Variants in GTF2B observed in about 807,000 individuals in gnomAD.
GTF2B encodes the protein general transcription factor IIB.
Under a neutral mutation model 34.6 loss-of-function variants are expected in GTF2B, and 20 were observed. The observed-to-expected ratio is 0.58, with a 90% CI of 0.41 to 0.84. The LOEUF (loss-of-function observed/expected upper bound fraction) is 0.84. Among genes scored for constraint, GTF2B ranks in the 40% least tolerant of loss-of-function variants. The pLI, the probability that GTF2B is intolerant of heterozygous loss-of-function variation, is 0.00. For synonymous variants in GTF2B, 142 were observed against 132.4 expected (o/e 1.07, Z -0.50); for missense variants, 237 against 393.3 (o/e 0.60, Z 3.36).
Position 88,865,786 on chromosome 1 carries a change from G to A in GTF2B, c.125-1672C>T, listed in dbSNP as rs191797680. Among the ~76,000 whole-genome samples, 378 of 152,106 alleles carry A rather than the reference G, an allele frequency of 2.5e-3. 2 individuals are homozygous for A. The highest frequency in any genetic ancestry group is 8.9e-3 in the African/African-American group (371 of 41,486). ...GAACTGCTTGAACCTGGGAGGTGGAGGCTGTGGTGAACTGAGATCGCAACA... is the reference window on the plus strand; with the variant it reads ...GAACTGCTTGAACCTGGGAGGTGGAAGCTGTGGTGAACTGAGATCGCAACA... On this transcript the variant is annotated intron_variant, in intron 2 of 6. Transcript: ENST00000370500.
chr1:88,865,916 TC>T (rs1673548247), intron 2 of GTF2B, among the ~76,000 whole-genome samples: 1 of 151,564 alleles, frequency 6.6e-6, no homozygotes, highest in Non-Finnish European at 1.5e-5. Flanking sequence ...TTCCAAGTGC[TC>T]CGCTAAGTAT....
rs537157874 is a variant in GTF2B, at chr1:88,854,003, G to A, written c.818-657C>T. 1.1e-4 allele frequency among the ~76,000 whole-genome samples: 17 copies of A among 152,214 alleles called. No individual in the cohort carries two copies. The East Asian group carries it at 3.1e-3, about 28-fold the overall frequency. On this transcript the variant is annotated intron_variant, in intron 6 of 6. Coordinates refer to ENST00000370500, the MANE Select transcript of GTF2B (RefSeq NM_001514.6). ...ACATAAAATATATGAATAGTGTTCA[G>A]GTCTTAGTATTAGGAGTGTTATCAT...
Position 88,857,193 on chromosome 1 carries a change from T to G in GTF2B, c.817+13A>C. ...TTCAGTTTACTGCCACACTTCCTGA[T>G]GACGAACCCTACCTTTTTGGGTCCT... On this transcript the variant is annotated intron_variant, in intron 6 of 6. Transcript: ENST00000370500. 2 of 1,595,844 alleles carry G rather than the reference T, an allele frequency of 1.3e-6. No individual in the cohort carries two copies. The highest frequency in any genetic ancestry group is 1.7e-6 in the Non-Finnish European group (2 of 1,171,856).
chr1:88,877,675 T>TA, intron 2 of GTF2B, among the ~76,000 whole-genome samples: 1 of 152,248 alleles, frequency 6.6e-6, no homozygotes, highest in African/African-American at 2.4e-5. Flanking sequence ...CTCATGCCTG[T>TA]AATCCCAGCA....
Position 88,881,622 on chromosome 1 carries a change from T to C in GTF2B, c.124+5639A>G, listed in dbSNP as rs543872213. On this transcript the variant is annotated intron_variant, in intron 2 of 6. Transcript: ENST00000370500. ...GAATGGATTCTTCGCTTACAAGATATATTACACATTTAACCACAAATATCT... is the reference window on the plus strand; with the variant it reads ...GAATGGATTCTTCGCTTACAAGATACATTACACATTTAACCACAAATATCT... Among the ~76,000 whole-genome samples, 3 of 152,304 alleles carry C rather than the reference T, an allele frequency of 2.0e-5. No individual in the cohort carries two copies. The South Asian group carries it at 6.2e-4, about 32-fold the overall frequency.
At chr1:88,878,824 A>G (rs1041981981) in intron 2 of GTF2B, among the ~76,000 whole-genome samples, 1 of 152,244 alleles carries the variant, frequency 6.6e-6, no homozygotes, top group Non-Finnish European at 1.5e-5. Flanking sequence ...AGTATAAAAT[A>G]TGACTACTGT....
At chr1:88,876,181 A>C (rs1423530004) in intron 2 of GTF2B, among the ~76,000 whole-genome samples, 1 of 152,230 alleles carries the variant, frequency 6.6e-6, no homozygotes, top group Non-Finnish European at 1.5e-5. Flanking sequence ...GGCCATATTA[A>C]ATGAAACCTG....
At chr1:88,885,040 T>C (rs1005611814) in intron 2 of GTF2B, among the ~76,000 whole-genome samples, 4 of 152,270 alleles carry the variant, frequency 2.6e-5, no homozygotes, top group African/African-American at 9.6e-5. Flanking sequence ...TGATGAGAGC[T>C]GCACATGTGG....
intron 6 of GTF2B, among the ~76,000 whole-genome samples, chr1:88,856,291 C>A (rs2810880): frequency 0.74 from 62,997 of 85,236 alleles, 21,038 homozygotes; most frequent in Middle Eastern, 0.86. Context: ...AAAAAAAAAA[C>A]AAAAAAAAAA....
At chr1:88,891,132 C>CGGGGGG (rs1674192199) in intron 1 of GTF2B, among the ~76,000 whole-genome samples, 1 of 2,934 alleles carries the variant, frequency 3.4e-4, no homozygotes, top group Non-Finnish European at 6.3e-4. Context: ...GGGGGGGGGG[C>CGGGGGG]GCGGGGGAGG....
intron 2 of GTF2B, among the ~76,000 whole-genome samples, chr1:88,866,391 T>C (rs1209102887): frequency 1.3e-5 from 2 of 152,156 alleles, no homozygotes; most frequent in African/African-American, 4.8e-5. Flanking sequence ...TTCTGAAGCC[T>C]CTGACAAAAT....
intron 1 of GTF2B, among the ~76,000 whole-genome samples, chr1:88,889,351 G>T (rs1674144075): frequency 6.6e-6 from 1 of 152,230 alleles, no homozygotes; most frequent in South Asian, 2.1e-4. Flanking sequence ...ATGGGGTGGT[G>T]AAGGTGGTAA....
At chr1:88,862,765 G>C (rs989755171) in intron 3 of GTF2B, among the ~76,000 whole-genome samples, 34 of 152,042 alleles carry the variant, frequency 2.2e-4, no homozygotes, top group African/African-American at 8.0e-4. Context: ...AGGCTCCTGA[G>C]TAGCTGGGAT....
intron 1 of GTF2B, among the ~76,000 whole-genome samples, chr1:88,889,646 T>C (rs1570740823): frequency 6.6e-6 from 1 of 152,232 alleles, no homozygotes; most frequent in Non-Finnish European, 1.5e-5. Flanking sequence ...ACATTTGTAC[T>C]CCTCTGTGAG....
chr1:88,879,451 G>A (rs1673885183), intron 2 of GTF2B, among the ~76,000 whole-genome samples: 1 of 151,454 alleles, frequency 6.6e-6, no homozygotes, highest in African/African-American at 2.4e-5. Flanking sequence ...GCGGTGGTGG[G>A]TGCCTGTAGT....
In GTF2B at chr1:88,891,531, C is replaced by A. The variant is rs745601529; in HGVS notation, c.-32G>T. ...GGCGACTGCGGTGCCCGCAACAAGA[C>A]ACAACAGACACACCGAAAGCAGGAA... On this transcript the variant is annotated 5_prime_UTR_variant, in exon 1 of 7. Coordinates refer to ENST00000370500, the MANE Select transcript of GTF2B (RefSeq NM_001514.6). 1 of 1,592,694 alleles carries A rather than the reference C, an allele frequency of 6.3e-7. No individual in the cohort carries two copies. Among genetic ancestry groups the A allele is most frequent in the Non-Finnish European group, 8.6e-7 (1 of 1,166,294 alleles).
At chr1:88,865,759 G>A (rs1263281656) in intron 2 of GTF2B, among the ~76,000 whole-genome samples, 1 of 151,998 alleles carries the variant, frequency 6.6e-6, no homozygotes, top group Non-Finnish European at 1.5e-5. Flanking sequence ...GCTAAGGCAG[G>A]AGAACTGCTT....
intron 1 of GTF2B, among the ~76,000 whole-genome samples, chr1:88,890,251 A>G (rs1346353664): frequency 6.6e-6 from 1 of 152,160 alleles, no homozygotes; most frequent in African/African-American, 2.4e-5. Context: ...GCCTTACCCG[A>G]CAGAACAACA....
intron 2 of GTF2B, among the ~76,000 whole-genome samples, chr1:88,882,100 A>G (rs1673960001): frequency 6.6e-6 from 1 of 152,074 alleles, no homozygotes; most frequent in Non-Finnish European, 1.5e-5. Flanking sequence ...ACTTGAGGCC[A>G]GGAGTTTAAA....
Sources: gnomAD v4.1 joint callset for allele counts (sites outside exome capture counted in the v4.1 genomes callset) on GRCh38, gnomAD v4.1.1 for gene constraint, MANE v1.5 for transcripts, NCBI Gene and HGNC (gene_info 2026-07-23, HGNC 2026-07-21) for gene names.